Variants in OAS2 observed in about 807,000 individuals in gnomAD.
OAS2 encodes 2'-5'-oligoadenylate synthetase 2, also known as 2'-5'-oligoadenylate synthase 2.
Under a neutral mutation model 71.3 loss-of-function variants are expected in OAS2, and 67 were observed. The observed-to-expected ratio is 0.94, with a 90% CI of 0.77 to 1.15. The LOEUF (loss-of-function observed/expected upper bound fraction) is 1.15, where lower values mean the gene tolerates loss of function less well. OAS2 is among the 50% of genes most tolerant of loss of function. The probability of loss-of-function intolerance (pLI) is 0.00; values close to 1 mark genes in which losing one functional copy is unlikely to be tolerated. For synonymous variants in OAS2, 327 were observed against 321.8 expected (o/e 1.02, Z -0.17); for missense variants, 789 against 822.5 (o/e 0.96, Z 0.50).
intron 3 of OAS2, among the ~76,000 whole-genome samples, chr12:112,996,400 T>C (rs2044232200): frequency 6.6e-6 from 1 of 152,258 alleles, no homozygotes; most frequent in East Asian, 1.9e-4. Context: ...ATAAAATATA[T>C]ATGTAGTTTG....
rs2044360069 is a variant in OAS2 at position 113,009,225 on chromosome 12, A to C, written c.2034A>C (p.Pro678=). ...AGGATGGGACTGGAAACCCAATACC[A>C]CCTTGGAAAGTGCCGGTAAAAGTCA... ...CFKDGTGNPI[P]PWKVPVKVI is the part of the protein sequence containing the mutation. The change falls in exon 10 of 10, where the codon CCA becomes CCC. Residue 678 remains proline, a synonymous_variant. Transcript: ENST00000392583. 1 of 1,613,958 alleles carries C rather than the reference A, an allele frequency of 6.2e-7. No individual in the cohort carries two copies. The highest frequency in any genetic ancestry group is 1.3e-5 in the African/African-American group (1 of 74,920).
Position 113,010,168 on chromosome 12 carries a change from G to A in OAS2, c.*913G>A. The A allele has an allele frequency of 6.1e-6, 8 of 1,317,814 alleles. No individual in the cohort carries two copies. Among genetic ancestry groups the A allele is most frequent in the Non-Finnish European group, 7.7e-6 (8 of 1,033,738 alleles). The allele number at this position is 1,317,814 out of a possible 1,614,324, so 81.6% of individuals were successfully genotyped here. Reference sequence around the variant, plus strand: ...AGAGGAACCCTACACCCCAACCCTGGGGGGAATGTAGGGAAGAGGTGGCCA... The same window carrying A: ...AGAGGAACCCTACACCCCAACCCTGAGGGGAATGTAGGGAAGAGGTGGCCA... On this transcript the variant is annotated 3_prime_UTR_variant, in exon 10 of 10. Transcript: ENST00000392583.
intron 1 of OAS2, among the ~76,000 whole-genome samples, chr12:112,986,680 G>A (rs942578240): frequency 2.6e-5 from 4 of 151,898 alleles, no homozygotes; most frequent in African/African-American, 2.4e-5. Context: ...GGTGCTGGCC[G>A]CAGGTGGGAC....
intron 1 of OAS2, among the ~76,000 whole-genome samples, chr12:112,979,123 C>T (rs1000109097): frequency 6.6e-6 from 1 of 152,244 alleles, no homozygotes; most frequent in African/African-American, 2.4e-5. Context: ...CGATTTTCTT[C>T]TATCCTCTCC....
chr12:113,005,306 A>C, intron 7 of OAS2, 84 bp downstream of exon 7: 2 of 1,372,100 alleles, frequency 1.5e-6, no homozygotes, highest in African/African-American at 2.9e-5. Context: ...CGGGCTCTGA[A>C]AACATGTGCC....
At position 112,997,665 on chromosome 12, in the gene OAS2, A is replaced by G; in HGVS notation, c.773A>G (p.Gln258Arg). The G allele has an allele frequency of 6.2e-7, 1 of 1,614,152 alleles. No homozygotes were observed. The highest frequency in any genetic ancestry group is 8.5e-7 in the Non-Finnish European group (1 of 1,180,008). Residue 258 changes from glutamine to arginine, a missense_variant, in exon 4 of 10, where the codon CAG (glutamine) becomes CGG (arginine). By Grantham distance (43) the Gln-to-Arg change is conservative (BLOSUM62 1). Coordinates refer to ENST00000392583, the MANE Select transcript of OAS2 (RefSeq NM_002535.3). ...VRTVLELIKC[Q>R]EKLCIYWMVN... ...ACCGTACTGGAGCTGATCAAATGCC[A>G]GGAGAAGCTGTGTATCTATTGGATG...
At chr12:113,000,173 T>C (rs74947467) in intron 5 of OAS2, among the ~76,000 whole-genome samples, 23,512 of 152,096 alleles carry the variant, frequency 0.15, 2,969 homozygotes, top group African/African-American at 0.35. Flanking sequence ...CATGCCATGA[T>C]CAAATTCAGG....
chr12:113,002,817 C>G, intron 5 of OAS2, 115 bp from the exon 6 acceptor site: 1 of 844,262 alleles, frequency 1.2e-6, no homozygotes, highest in South Asian at 1.6e-5. Context: ...TGCCAGCCCA[C>G]GAGCAGGAGG....
Position 113,011,506 on chromosome 12 carries a change from CTATGTA to C in OAS2, c.*2252_*2257del, listed in dbSNP as rs1311890351. On this transcript the variant is annotated 3_prime_UTR_variant, in exon 10 of 10. Transcript: ENST00000392583. Reference sequence around the variant, plus strand: ...TGGCCAGTGATTTAAGCAATGCTGCCTATGTAAAGAAACCCCAATAAAAACTCTGGA... The same window carrying C: ...TGGCCAGTGATTTAAGCAATGCTGCCAAGAAACCCCAATAAAAACTCTGGA... 1 of 152,196 alleles carries C rather than the reference CTATGTA, an allele frequency of 6.6e-6. No individual in the cohort carries two copies. Among genetic ancestry groups the C allele is most frequent in the East Asian group, 1.9e-4 (1 of 5,208 alleles). The allele number at this position is 152,196 out of a possible 1,614,324, so 9.4% of individuals were successfully genotyped here. A position where few individuals can be genotyped will look rare whatever the true frequency, so the allele number is the denominator to read the frequency against.
Position 113,010,375 on chromosome 12 carries a change from C to T in OAS2, c.*1120C>T. 1 of 1,611,408 alleles carries T rather than the reference C, an allele frequency of 6.2e-7. No homozygotes were observed. Among genetic ancestry groups the T allele is most frequent in the Non-Finnish European group, 8.5e-7 (1 of 1,179,078 alleles). ...TCCCACGTATGTTTTTCTTTTTAGA[C>T]AATGCAGACACCAGGAAGTTGTGGA... On this transcript the variant is annotated 3_prime_UTR_variant, in exon 10 of 10. Coordinates refer to ENST00000392583, the MANE Select transcript of OAS2 (RefSeq NM_002535.3).
At position 112,995,320 on chromosome 12, in the gene OAS2, G is replaced by A. The variant is rs2044224161; in HGVS notation, c.473G>A (p.Trp158Ter). ...ALSLNDNPSP[W>*]IYRELKRSLD... The stretch of plus-strand genomic sequence containing the variant: ...GGCTTAAATGATAATCCCAGCCCCT[G>A]GATCTATCGAGAGCTCAAAAGATCC... The change falls in exon 3 of 10, where the codon TGG (tryptophan) becomes TAG (stop). Residue 158 changes from tryptophan (W) to a stop codon, truncating the protein, a stop_gained. Coordinates refer to ENST00000392583, the MANE Select transcript of OAS2 (RefSeq NM_002535.3). LOFTEE classifies it high-confidence loss of function. 6.2e-7 allele frequency: 1 copy of A among 1,612,578 alleles called. No individual in the cohort carries two copies. The highest frequency in any genetic ancestry group is 1.3e-5 in the African/African-American group (1 of 74,912).
chr12:113,009,002 T>C, intron 9 of OAS2, 85 bp from the exon 10 acceptor site: 2 of 1,531,896 alleles, frequency 1.3e-6, no homozygotes, highest in Non-Finnish European at 1.7e-6. Flanking sequence ...CATTGTCTTA[T>C]TGCTGAAAGT....
rs1014272316 is a variant in OAS2, at chr12:113,010,443, A to G, written c.*1188A>G. ...TGTCAATGAGATGTTCTCATCCAGA[A>G]GCCATAGAATCCTGAATAATAATTC... On this transcript the variant is annotated 3_prime_UTR_variant, in exon 10 of 10. Coordinates refer to ENST00000392583, the MANE Select transcript of OAS2 (RefSeq NM_002535.3). 7 of 1,614,032 alleles carry G rather than the reference A, an allele frequency of 4.3e-6. No homozygotes were observed. The East Asian group carries it at 1.3e-4, about 31-fold the overall frequency.
intron 3 of OAS2, 31 bp downstream of exon 3, chr12:112,995,505 C>A: frequency 1.3e-6 from 2 of 1,567,388 alleles, no homozygotes; most frequent in South Asian, 1.2e-5. Context: ...ATATGGTTAT[C>A]ATTCATTTCC....
At chr12:112,990,694 T>G (rs1357206208) in intron 2 of OAS2, among the ~76,000 whole-genome samples, 1 of 152,238 alleles carries the variant, frequency 6.6e-6, no homozygotes, top group East Asian at 1.9e-4. Context: ...AAAATACTTT[T>G]GATTTCCTTT....
chr12:112,980,797 T>A lies in OAS2; in HGVS notation c.177+2012T>A, dbSNP rs117537608. Among the ~76,000 whole-genome samples, 1,348 of 152,318 alleles carry A rather than the reference T, an allele frequency of 8.8e-3. 16 individuals carry two copies. Among genetic ancestry groups the A allele is most frequent in the Non-Finnish European group, 0.014 (930 of 68,016 alleles). ...TTATTTTTTTTAGAAACCTCCATAC[T>A]GTTTTCCGTAATGACTGTGCTAATT... On this transcript the variant is annotated intron_variant, in intron 1 of 9. Coordinates refer to ENST00000392583, the MANE Select transcript of OAS2 (RefSeq NM_002535.3).
intron 8 of OAS2, 62 bp from the exon 9 acceptor site, chr12:113,007,643 T>A: frequency 7.3e-7 from 1 of 1,363,928 alleles, no homozygotes; most frequent in Non-Finnish European, 1.0e-6. Flanking sequence ...CTGTGGTCCC[T>A]GTGCGGCTCT....
chr12:112,995,312 C>G lies in OAS2; in HGVS notation c.465C>G (p.Pro155=), dbSNP rs760846702. 6.2e-7 allele frequency: 1 copy of G among 1,607,968 alleles called. No homozygotes were observed. Among genetic ancestry groups the G allele is most frequent in the East Asian group, 2.2e-5 (1 of 44,832 alleles). The change falls in exon 3 of 10, where the codon CCC becomes CCG. Residue 155 remains proline, a synonymous_variant. Transcript: ENST00000392583. ...AFNALSLNDN[P]SPWIYRELKR... is the part of the protein sequence containing the mutation. ...TCACATCAGGCTTAAATGATAATCC[C>G]AGCCCCTGGATCTATCGAGAGCTCA... is the stretch of plus-strand genomic sequence containing the variant.
In OAS2 at chr12:112,998,322, G is replaced by T; in HGVS notation, c.920G>T (p.Cys307Phe). ...AATAATGTGAGTGGAGATAAAATAT[G>T]CTGGCAATGGCTGAAAAAAGAAGCT... ...PTNNVSGDKI[C>F]WQWLKKEAQT... Residue 307 changes from cysteine to phenylalanine, a missense_variant, in exon 5 of 10, where the codon TGC becomes TTC. Physicochemically the swap from Cys to Phe is radical, Grantham distance 205. Transcript: ENST00000392583. 6.2e-7 allele frequency: 1 copy of T among 1,608,304 alleles called. No homozygotes were observed. Among genetic ancestry groups the T allele is most frequent in the South Asian group, 1.1e-5 (1 of 89,682 alleles).
Sources: allele counts gnomAD v4.1 joint callset (sites outside exome capture counted in the v4.1 genomes callset), GRCh38; gene constraint gnomAD v4.1.1; transcripts MANE v1.5; gene names NCBI Gene and HGNC (gene_info 2026-07-23, HGNC 2026-07-21).